Variants in PRR5 observed in about 807,000 individuals in gnomAD.
PRR5 encodes the protein proline-rich protein 5.
A neutral mutation model predicts 30.6 loss-of-function variants in PRR5; 25 were observed. The observed-to-expected ratio is 0.82, with a 90% confidence interval of 0.60 to 1.14. PRR5 has a LOEUF of 1.14. PRR5 is among the 50% of genes most tolerant of loss of function. PRR5 has a pLI of 0.00. For missense variants in PRR5, 600 were observed against 547.1 expected (o/e 1.10, Z -0.96); for synonymous variants, 286 against 247.1 (o/e 1.16, Z -1.48).
intron 7 of PRR5, 77 bp downstream of exon 7, chr22:44,735,239 G>T: frequency 6.8e-7 from 1 of 1,461,678 alleles, no homozygotes; most frequent in Middle Eastern, 2.1e-4. Context: ...TGGGCAAGCC[G>T]AGGCCCCACG....
At chr22:44,728,963 C>T (rs897645771) in intron 4 of PRR5, among the ~76,000 whole-genome samples, 1 of 152,140 alleles carries the variant, frequency 6.6e-6, no homozygotes, top group Non-Finnish European at 1.5e-5. Flanking sequence ...GACTGGACCG[C>T]GGCCGGGGTT....
At chr22:44,729,339 G>C (rs1166947657) in intron 4 of PRR5, 1 of 984,272 alleles carries the variant, frequency 1.0e-6, no homozygotes, top group Non-Finnish European at 1.2e-6. Flanking sequence ...CTCAGCACTC[G>C]GATAAAGAAA....
At chr22:44,703,406 C>A (rs1251829813) in intron 1 of PRR5, among the ~76,000 whole-genome samples, 2 of 151,686 alleles carry the variant, frequency 1.3e-5, no homozygotes, top group South Asian at 2.1e-4. Flanking sequence ...GCAGTAAAAT[C>A]TTGCCAGATG....
At chr22:44,699,183 C>T (rs971644439), upstream of PRR5, among the ~76,000 whole-genome samples, 10 of 152,220 alleles carry the variant, frequency 6.6e-5, no homozygotes, top group African/African-American at 2.4e-4. Flanking sequence ...CTCCCAGATG[C>T]CTACAGCATT....
chr22:44,678,204 G>A (rs1282635215), intron 1 of PRR5, among the ~76,000 whole-genome samples: 4 of 152,052 alleles, frequency 2.6e-5, no homozygotes, highest in South Asian at 2.1e-4. Context: ...CCACCTGCCC[G>A]GACATGCAGT....
intron 1 of PRR5, among the ~76,000 whole-genome samples, chr22:44,682,583 G>A (rs1417499192): frequency 6.6e-6 from 1 of 152,218 alleles, no homozygotes; most frequent in Non-Finnish European, 1.5e-5. Flanking sequence ...CCGGCACGGG[G>A]TGACTGATTT....
Position 44,714,672 on chromosome 22 carries a change from G to A in PRR5, c.215+1G>A, listed in dbSNP as rs1258571857. Reference sequence around the variant, plus strand: ...TCTTCAGCCTCAACGAGGGCGTCCGGTGAGTGCCTGTCCCACCTTGGTCCA... The same window carrying A: ...TCTTCAGCCTCAACGAGGGCGTCCGATGAGTGCCTGTCCCACCTTGGTCCA... On this transcript the variant is annotated splice_donor_variant, in intron 2 of 7. Transcript: ENST00000336985. LOFTEE classifies it high-confidence loss of function. 1.9e-6 allele frequency: 3 copies of A among 1,613,792 alleles called. No individual in the cohort carries two copies. Among genetic ancestry groups the A allele is most frequent in the African/African-American group, 1.3e-5 (1 of 75,058 alleles).
Position 44,684,140 on chromosome 22 carries a change from C to A in PRR5, c.-11+6900C>A, listed in dbSNP as rs552372754. Among the ~76,000 whole-genome samples the A allele has an allele frequency of 1.1e-4, 16 of 152,282 alleles. No homozygotes were observed. The East Asian group carries it at 2.7e-3, about 26-fold the overall frequency. ...TGGGGCTTTTCAGTTAAACAAGCCACCTGTGGCCACCCCAGCCCCCACCCC... is the reference window on the plus strand; with the variant it reads ...TGGGGCTTTTCAGTTAAACAAGCCAACTGTGGCCACCCCAGCCCCCACCCC... On this transcript the variant is annotated intron_variant, in intron 1 of 8. Coordinates refer to the PRR5 transcript ENST00000006251.
At chr22:44,676,482 G>A (rs1467389276), upstream of PRR5, among the ~76,000 whole-genome samples, 1 of 151,924 alleles carries the variant, frequency 6.6e-6, no homozygotes, top group South Asian at 2.1e-4. Context: ...AGAGTGTGAT[G>A]GCCCTCCCCA....
At chr22:44,730,372 C>T in intron 4 of PRR5, 2 of 984,892 alleles carry the variant, frequency 2.0e-6, no homozygotes, top group Non-Finnish European at 2.4e-6. Context: ...GCCTTGGGGA[C>T]ACGTCCTTGG....
intron 1 of PRR5, among the ~76,000 whole-genome samples, chr22:44,694,716 A>G (rs2146978341): frequency 6.6e-6 from 1 of 152,306 alleles, no homozygotes; most frequent in African/African-American, 2.4e-5. Context: ...GATGATGGGA[A>G]TAGCTGCCTG....
intron 4 of PRR5, among the ~76,000 whole-genome samples, chr22:44,727,167 C>T (rs1243965140): frequency 4.7e-5 from 7 of 148,100 alleles, no homozygotes; most frequent in Non-Finnish European, 1.0e-4. Flanking sequence ...GGGGTGGGGG[C>T]GGGACTCAAA....
intron 6 of PRR5, 76 bp from the exon 7 acceptor site, chr22:44,734,951 G>T: frequency 6.7e-7 from 1 of 1,485,396 alleles, no homozygotes; most frequent in South Asian, 1.2e-5. Flanking sequence ...TCTGGTGGGT[G>T]GGACATATGG....
chr22:44,710,286 C>T (rs1602019321), intron 1 of PRR5, among the ~76,000 whole-genome samples: 1 of 24,334 alleles, frequency 4.1e-5, no homozygotes, highest in African/African-American at 1.2e-4. Context: ...CTCACCTGCA[C>T]CCCCCCCCCA....
chr22:44,703,431 G>A (rs1926689173), intron 1 of PRR5, among the ~76,000 whole-genome samples: 1 of 152,184 alleles, frequency 6.6e-6, no homozygotes, highest in Admixed American at 6.5e-5. Flanking sequence ...ACCGGCTGTG[G>A]TCTTGGCCAC....
At chr22:44,713,993 C>T (rs1340238152) in intron 1 of PRR5, among the ~76,000 whole-genome samples, 12 of 152,052 alleles carry the variant, frequency 7.9e-5, no homozygotes, top group Admixed American at 2.0e-4. Context: ...TTAGTAGAGA[C>T]GGGGTTTCAC....
intron 7 of PRR5, among the ~76,000 whole-genome samples, chr22:44,735,797 G>A (rs1472849549): frequency 5.3e-5 from 8 of 152,222 alleles, no homozygotes; most frequent in African/African-American, 1.4e-4. Context: ...GGCAAGGCCC[G>A]CTTGGGACTA....
chr22:44,725,412 C>G, intron 3 of PRR5, 120 bp downstream of exon 3: 2 of 1,388,364 alleles, frequency 1.4e-6, no homozygotes, highest in African/African-American at 2.8e-5. Context: ...CCTGCAGTTC[C>G]AAGGACCTGC....
In PRR5 at chr22:44,702,533, A is replaced by G; in HGVS notation, c.59A>G (p.Lys20Arg). The G allele has an allele frequency of 6.8e-7, 1 of 1,462,486 alleles. No individual in the cohort carries two copies. Among genetic ancestry groups the G allele is most frequent in the Non-Finnish European group, 9.0e-7 (1 of 1,105,348 alleles). 90.6% of individuals were successfully genotyped at this position (1,462,486 alleles called of 1,614,324 possible). Residue 20 changes from lysine (K) to arginine (R), a missense_variant, in exon 1 of 8, where the codon AAG becomes AGG. Coordinates refer to ENST00000336985, the MANE Select transcript of PRR5 (RefSeq NM_181333.4). The stretch of plus-strand genomic sequence containing the variant: ...TCGCCCAGCCTCAGTGACCTGGGCA[A>G]GAGAGAGCCGGCCGCCGCCGCGGAC... ...MSSPSLSDLGKREPAAAADER... is the reference protein window; with the variant it reads ...MSSPSLSDLGRREPAAAADER...
Sources: allele counts gnomAD v4.1 joint callset (sites outside exome capture counted in the v4.1 genomes callset), GRCh38; gene constraint gnomAD v4.1.1; transcripts MANE v1.5; gene names NCBI Gene and HGNC (gene_info 2026-07-23, HGNC 2026-07-21).